RBFOX1: variants seen among roughly 807,000 people sequenced by gnomAD.
The protein encoded by RBFOX1 is RNA binding fox-1 homolog 1, also known as RNA binding protein fox-1 homolog 1.
A neutral mutation model predicts 57.7 loss-of-function variants in RBFOX1; 8 were observed. The ratio of observed to expected loss-of-function variants is 0.14; its 90% CI spans 0.08 to 0.25. The LOEUF (loss-of-function observed/expected upper bound fraction) is 0.25, where lower values mean the gene tolerates loss of function less well. RBFOX1 is among the 10% of genes least tolerant of loss of function. RBFOX1 has a pLI of 1.00. For missense variants in RBFOX1, 611 were observed against 548.5 expected (o/e 1.11, Z -1.14); for synonymous variants, 326 against 222.4 (o/e 1.47, Z -4.15).
chr16:6,345,592 T>C (rs952444761), intron 2 of RBFOX1, among the ~76,000 whole-genome samples: 2 of 152,130 alleles, frequency 1.3e-5, no homozygotes, highest in African/African-American at 4.8e-5. Flanking sequence ...CATCATCCTT[T>C]ATACTTACTC....
chr16:7,131,916 A>G (rs907986601), intron 4 of RBFOX1, among the ~76,000 whole-genome samples: 17 of 152,106 alleles, frequency 1.1e-4, no homozygotes, highest in African/African-American at 3.4e-4. Flanking sequence ...ATCTTAAAGA[A>G]GTGGTTCTTA....
chr16:6,612,633 C>G (rs2154026326), intron 2 of RBFOX1, among the ~76,000 whole-genome samples: 1 of 152,078 alleles, frequency 6.6e-6, no homozygotes, highest in South Asian at 2.1e-4. Context: ...AGGTGGATGA[C>G]TTGAGGTCAG....
chr16:6,171,761 G>C (rs2096962208), intron 1 of RBFOX1, among the ~76,000 whole-genome samples: 2 of 152,082 alleles, frequency 1.3e-5, no homozygotes, highest in Non-Finnish European at 2.9e-5. Context: ...TAGTAAGAGT[G>C]ATTGTGAACC....
At chr16:5,893,874 T>C (rs2058099841) in intron 4 of RBFOX1, among the ~76,000 whole-genome samples, 1 of 151,898 alleles carries the variant, frequency 6.6e-6, no homozygotes, top group Admixed American at 6.6e-5. Flanking sequence ...AATTGAAGAT[T>C]AAACATAAAC....
chr16:7,526,094 G>A (rs779704221), intron 5 of RBFOX1, among the ~76,000 whole-genome samples: 36 of 152,194 alleles, frequency 2.4e-4, no homozygotes, highest in Non-Finnish European at 4.7e-4. Context: ...GATTCTCAGA[G>A]AAGCGTGAAC....
chr16:6,627,330 G>A (rs866275753), intron 2 of RBFOX1, among the ~76,000 whole-genome samples: 1 of 152,156 alleles, frequency 6.6e-6, no homozygotes, highest in South Asian at 2.1e-4. Context: ...CCTACTCTAG[G>A]TGAGCTTAGG....
chr16:5,547,502 A>G (rs2045260418), intron 2 of RBFOX1, among the ~76,000 whole-genome samples: 1 of 152,236 alleles, frequency 6.6e-6, no homozygotes. Flanking sequence ...AAGATGCCAG[A>G]TAAAAAAGAT....
chr16:6,617,571 C>A (rs752525267), intron 2 of RBFOX1, among the ~76,000 whole-genome samples: 2 of 152,020 alleles, frequency 1.3e-5, no homozygotes, highest in Non-Finnish European at 2.9e-5. Context: ...GGCTGGAGGA[C>A]CTTTCCTCCT....
chr16:5,578,380 G>C (rs188400240), intron 2 of RBFOX1, among the ~76,000 whole-genome samples: 4 of 152,222 alleles, frequency 2.6e-5, no homozygotes, highest in Admixed American at 2.6e-4. Context: ...AGGAAGGAAG[G>C]GTGGAGTGGA....
chr16:7,606,637 C>T (rs1231706534), intron 9 of RBFOX1, among the ~76,000 whole-genome samples: 3 of 152,134 alleles, frequency 2.0e-5, no homozygotes, highest in Non-Finnish European at 4.4e-5. Context: ...CCATCCAGAA[C>T]ATTTGGAAAA....
At chr16:6,464,771 G>A (rs1407519452) in intron 2 of RBFOX1, among the ~76,000 whole-genome samples, 1 of 152,202 alleles carries the variant, frequency 6.6e-6, no homozygotes, top group East Asian at 1.9e-4. Context: ...CTGAGCTACA[G>A]CATTAATCAC....
At position 6,742,407 on chromosome 16, in the gene RBFOX1, C is replaced by A. The variant is rs564578739; in HGVS notation, c.-16+87757C>A. 2.0e-5 allele frequency among the ~76,000 whole-genome samples: 3 copies of A among 152,314 alleles called. No individual in the cohort carries two copies. In the South Asian group the frequency reaches 6.2e-4, roughly 32 times the overall value. ...GGCAATGCAAAATGACACAACTCTTCTGGCAAATTGTTTGTAGTTTCTTAA... is the reference window on the plus strand; with the variant it reads ...GGCAATGCAAAATGACACAACTCTTATGGCAAATTGTTTGTAGTTTCTTAA... On this transcript the variant is annotated intron_variant, in intron 3 of 15. Transcript: ENST00000550418.
chr16:6,856,480 T>G (rs534426962), intron 3 of RBFOX1, among the ~76,000 whole-genome samples: 4 of 152,062 alleles, frequency 2.6e-5, no homozygotes, highest in Non-Finnish European at 5.9e-5. Context: ...ACCCAGGATA[T>G]AAAGGTTATC....
intron 2 of RBFOX1, among the ~76,000 whole-genome samples, chr16:6,405,355 G>A (rs2093239224): frequency 6.6e-6 from 1 of 152,154 alleles, no homozygotes; most frequent in Admixed American, 6.5e-5. Context: ...AATCTCAATA[G>A]CTTCATAAAA....
chr16:5,952,620 A>G (rs770737608), intron 4 of RBFOX1, among the ~76,000 whole-genome samples: 75 of 152,222 alleles, frequency 4.9e-4, no homozygotes, highest in African/African-American at 1.6e-3. Context: ...GTTATTTACC[A>G]TTATATTCTT....
At chr16:6,656,861 T>G (rs2098657329) in intron 3 of RBFOX1, among the ~76,000 whole-genome samples, 1 of 151,472 alleles carries the variant, frequency 6.6e-6, no homozygotes, top group African/African-American at 2.4e-5. Flanking sequence ...AAAAGAGTCT[T>G]TTAAACAAGG....
intron 3 of RBFOX1, among the ~76,000 whole-genome samples, chr16:6,792,785 C>G (rs550220345): frequency 1.3e-5 from 2 of 152,254 alleles, no homozygotes; most frequent in East Asian, 1.9e-4. Context: ...AATCCCAGCA[C>G]TCTGGGAGGC....
chr16:6,551,228 A>G (rs1165460680), intron 2 of RBFOX1, among the ~76,000 whole-genome samples: 1 of 152,210 alleles, frequency 6.6e-6, no homozygotes, highest in African/African-American at 2.4e-5. Context: ...GTTGTGTAGC[A>G]TCAGCTATGT....
At chr16:5,769,696 G>T (rs981483579) in intron 3 of RBFOX1, among the ~76,000 whole-genome samples, 2 of 152,054 alleles carry the variant, frequency 1.3e-5, no homozygotes, top group African/African-American at 4.8e-5. Context: ...ACAGGAGGAA[G>T]ATCACGTGAT....
Sources: allele counts gnomAD v4.1 joint callset (sites outside exome capture counted in the v4.1 genomes callset), GRCh38; gene constraint gnomAD v4.1.1; transcripts MANE v1.5; gene names NCBI Gene and HGNC (gene_info 2026-07-23, HGNC 2026-07-21).